FRRS1: variants seen among roughly 807,000 people sequenced by gnomAD.
FRRS1 encodes the protein ferric chelate reductase 1.
FRRS1 carries 51 observed loss-of-function variants against 70.7 expected under a neutral mutation model. The ratio of observed to expected loss-of-function variants is 0.72; its 90% CI spans 0.58 to 0.91. The LOEUF (loss-of-function observed/expected upper bound fraction) is 0.91. Ranked by LOEUF, FRRS1 falls within the 40% of genes least tolerant of loss-of-function variation. The pLI is 0.00. For missense variants in FRRS1, 672 were observed against 726.0 expected, an observed-to-expected ratio of 0.93 and a Z score of 0.86; for synonymous variants, 225 against 238.7, an observed-to-expected ratio of 0.94 and a Z score of 0.53.
rs887104569 is a variant in FRRS1 at position 99,740,784 on chromosome 1, G to A, written c.576+9C>T. ...CCATCTCTACAGAGAAAATAAAATT[G>A]TTACTTACTGGTTTGGTTAAGTGGG... On this transcript the variant is annotated intron_variant, in intron 6 of 16. Coordinates refer to ENST00000646001, the MANE Select transcript of FRRS1 (RefSeq NM_001361041.2). The A allele has an allele frequency of 2.5e-6, 4 of 1,591,338 alleles. No homozygotes were observed. Among genetic ancestry groups the A allele is most frequent in the Admixed American group, 1.7e-5 (1 of 59,956 alleles).
At position 99,717,409 on chromosome 1, in the gene FRRS1, C is replaced by T. The variant is rs1415836333; in HGVS notation, c.1236+1G>A. 1 of 1,609,496 alleles carries T rather than the reference C, an allele frequency of 6.2e-7. No homozygotes were observed. Among genetic ancestry groups the T allele is most frequent in the Non-Finnish European group, 8.5e-7 (1 of 1,175,832 alleles). On this transcript the variant is annotated splice_donor_variant, in intron 11 of 16. Coordinates refer to ENST00000646001, the MANE Select transcript of FRRS1 (RefSeq NM_001361041.2). LOFTEE classifies it high-confidence loss of function. ...GCATTGAACTTTTTTCCCTCACCTA[C>T]CTGAAACCAAGCTGCTTCACCAAGC...
At chr1:99,727,132 A>G (rs945047699) in intron 9 of FRRS1, among the ~76,000 whole-genome samples, 27 of 152,240 alleles carry the variant, frequency 1.8e-4, no homozygotes, top group Non-Finnish European at 3.7e-4. Flanking sequence ...CCTCCTAGAT[A>G]AAAGGGATAA....
At chr1:99,760,645 G>T (rs937302932) in intron 1 of FRRS1, among the ~76,000 whole-genome samples, 10 of 152,134 alleles carry the variant, frequency 6.6e-5, no homozygotes, top group African/African-American at 2.4e-4. Flanking sequence ...ACTTAAGATG[G>T]TAGGAAAGAC....
rs747288869 is a variant in FRRS1, at chr1:99,748,679, C to T, written c.90G>A (p.Gln30=). 1 of 1,613,816 alleles carries T rather than the reference C, an allele frequency of 6.2e-7. No homozygotes were observed. Among genetic ancestry groups the T allele is most frequent in the South Asian group, 1.1e-5 (1 of 91,080 alleles). Residue 30 remains glutamine (Q), a synonymous_variant, in exon 3 of 17, where the codon CAG becomes CAA. Coordinates refer to ENST00000646001, the MANE Select transcript of FRRS1 (RefSeq NM_001361041.2). ...VANYPNGKVT[Q]SCHGMIPEHG... ...GTTCAGGAATCATTCCATGGCATGA[C>T]TGTGTTACTTTTCCATTGGGATAAT...
chr1:99,719,451 T>A, intron 10 of FRRS1, 83 bp downstream of exon 10: 1 of 742,862 alleles, frequency 1.3e-6, no homozygotes, highest in Non-Finnish European at 2.4e-6. Context: ...TTAGCTACAT[T>A]ATACCCACAG....
At position 99,707,746 on chromosome 1, in the gene FRRS1, C is replaced by A. The variant is rs1253348082; in HGVS notation, c.*1282G>T. 6.6e-6 allele frequency among the ~76,000 whole-genome samples: 1 copy of A among 152,214 alleles called. No individual in the cohort carries two copies. Among genetic ancestry groups the A allele is most frequent in the African/African-American group, 2.4e-5 (1 of 41,450 alleles). Reference sequence around the variant, plus strand: ...TACTTCGGTATTACAGCGCCACCCACTGGCTAGAAGTCCTCATAGCACATA... The same window carrying A: ...TACTTCGGTATTACAGCGCCACCCAATGGCTAGAAGTCCTCATAGCACATA... On this transcript the variant is annotated 3_prime_UTR_variant, in exon 17 of 17. Transcript: ENST00000646001.
In FRRS1 at chr1:99,733,014, T is replaced by A. The variant is rs1407163837; in HGVS notation, c.760-3266A>T. Among the ~76,000 whole-genome samples the A allele has an allele frequency of 2.0e-5, 3 of 152,098 alleles. No homozygotes were observed. The East Asian group carries it at 5.8e-4, about 29-fold the overall frequency. On this transcript the variant is annotated intron_variant, in intron 7 of 16. Transcript: ENST00000646001. ...GCATGCCACTACGCCCAGCTAATTT[T>A]TTATGAATTTTTTGTAGAGATGAGG...
At chr1:99,746,029 G>T (rs60412090) in intron 4 of FRRS1, among the ~76,000 whole-genome samples, 194 of 152,280 alleles carry the variant, frequency 1.3e-3, no homozygotes, top group African/African-American at 4.5e-3. Flanking sequence ...TGCTTGTACA[G>T]CCTGCAGAAC....
intron 7 of FRRS1, 38 bp downstream of exon 7, chr1:99,738,048 T>G: frequency 6.6e-7 from 1 of 1,525,864 alleles, no homozygotes; most frequent in Non-Finnish European, 8.9e-7. Flanking sequence ...GCCGTGATTC[T>G]CCTTTTGTTA....
At chr1:99,739,823 C>T (rs1433607719) in intron 6 of FRRS1, among the ~76,000 whole-genome samples, 1 of 151,788 alleles carries the variant, frequency 6.6e-6, no homozygotes, top group African/African-American at 2.4e-5. Flanking sequence ...GAAAATTAGG[C>T]AAGTCAGTAT....
Position 99,713,617 on chromosome 1 carries a change from G to A in FRRS1, c.1324-1102C>T, listed in dbSNP as rs991280074. Among the ~76,000 whole-genome samples the A allele has an allele frequency of 5.3e-5, 8 of 152,254 alleles. No homozygotes were observed. In the South Asian group the frequency reaches 6.2e-4, roughly 12 times the overall value. On this transcript the variant is annotated intron_variant, in intron 12 of 16. Transcript: ENST00000646001. ...CAAATTCTCATTGGCTATAAAACTG[G>A]AAAAGCATAATAAAAGCACAGGCTC...
rs202104278 is a variant in FRRS1, at chr1:99,748,596, A to G, written c.173T>C (p.Phe58Ser). 117 of 1,613,906 alleles carry G rather than the reference A, an allele frequency of 7.2e-5. No individual in the cohort carries two copies. The highest frequency in any genetic ancestry group is 1.7e-5 in the Admixed American group (1 of 60,000). The change falls in exon 3 of 17, where the codon TTC (phenylalanine) becomes TCC (serine). Residue 58 changes from phenylalanine (F) to serine (S), a missense_variant. Coordinates refer to ENST00000646001, the MANE Select transcript of FRRS1 (RefSeq NM_001361041.2). The part of the protein sequence containing the change: ...VHDIYVSQMT[F>S]RPGDQIEVTL... ...ACCTTCAATCTGATCTCCTGGCCTG[A>G]ATGTCATCTGACTCACGTAAATGTC... is the stretch of plus-strand genomic sequence containing the variant.
intron 16 of FRRS1, 24 bp downstream of exon 16, chr1:99,709,174 T>C (rs1227370634): frequency 2.5e-6 from 4 of 1,608,032 alleles, no homozygotes; most frequent in Non-Finnish European, 8.5e-7. Context: ...AAGGTTTGTG[T>C]CAATGAACAA....
In FRRS1 at chr1:99,708,985, G is replaced by A. The variant is rs754438918; in HGVS notation, c.*43C>T. The A allele has an allele frequency of 6.2e-7, 1 of 1,613,978 alleles. No homozygotes were observed. The highest frequency in any genetic ancestry group is 8.5e-7 in the Non-Finnish European group (1 of 1,179,976). On this transcript the variant is annotated 3_prime_UTR_variant, in exon 17 of 17. Transcript: ENST00000646001. ...AGGCTTCAAGTTTCTTTGGTTTGATGATAATTATCACTTGGCCTGCAAAAG... is the reference window on the plus strand; with the variant it reads ...AGGCTTCAAGTTTCTTTGGTTTGATAATAATTATCACTTGGCCTGCAAAAG...
intron 9 of FRRS1, among the ~76,000 whole-genome samples, chr1:99,723,108 AT>A (rs1654914195): frequency 6.6e-6 from 1 of 152,146 alleles, no homozygotes; most frequent in Admixed American, 6.5e-5. Context: ...CTATATGAAG[AT>A]ATGTAGAAAA....
intron 1 of FRRS1, among the ~76,000 whole-genome samples, chr1:99,752,951 C>T (rs973513984): frequency 1.3e-5 from 2 of 151,318 alleles, no homozygotes; most frequent in Admixed American, 6.6e-5. Flanking sequence ...GGAACCTCAA[C>T]CCTATTATCC....
At chr1:99,762,247 C>G (rs1412758823) in intron 1 of FRRS1, among the ~76,000 whole-genome samples, 2 of 152,160 alleles carry the variant, frequency 1.3e-5, no homozygotes, top group Non-Finnish European at 2.9e-5. Context: ...GGGGACTGCT[C>G]TCTCCACAGA....
At chr1:99,725,445 C>G (rs1393425142) in intron 9 of FRRS1, among the ~76,000 whole-genome samples, 2 of 152,210 alleles carry the variant, frequency 1.3e-5, no homozygotes, top group African/African-American at 4.8e-5. Flanking sequence ...AGTAAGTTAT[C>G]AAACTACAGC....
chr1:99,708,759 T>G lies in FRRS1; in HGVS notation c.*269A>C. ...TACCAACATTCTTAAAATCTTGGCA[T>G]GAAATATTTGAGAGTTACTTCTCCT... is the stretch of plus-strand genomic sequence containing the variant. On this transcript the variant is annotated 3_prime_UTR_variant, in exon 17 of 17. Transcript: ENST00000646001. The G allele has an allele frequency of 1.8e-6, 1 of 557,366 alleles. No individual in the cohort carries two copies. Among genetic ancestry groups the G allele is most frequent in the African/African-American group, 1.9e-5 (1 of 53,054 alleles). The allele number at this position is 557,366 out of a possible 1,614,324, so 34.5% of individuals were successfully genotyped here.
Sources: gnomAD v4.1 joint callset for allele counts (sites outside exome capture counted in the v4.1 genomes callset) on GRCh38, gnomAD v4.1.1 for gene constraint, MANE v1.5 for transcripts, NCBI Gene and HGNC (gene_info 2026-07-23, HGNC 2026-07-21) for gene names.